Variants in NTM observed in about 807,000 individuals in gnomAD.
NTM encodes the protein IgLON family member 2.
NTM carries 13 observed loss-of-function variants against 42.1 expected under a neutral mutation model. The observed-to-expected ratio is 0.31, with a 90% CI of 0.20 to 0.49. NTM has a LOEUF of 0.49. Ranked by LOEUF, NTM falls within the 20% of genes least tolerant of loss-of-function variation. The pLI is 0.99. For missense variants in NTM, 373 were observed against 452.8 expected (o/e 0.82, Z 1.60); for synonymous variants, 187 against 179.2 (o/e 1.04, Z -0.35).
intron 1 of NTM, among the ~76,000 whole-genome samples, chr11:131,484,713 T>A (rs1591801022): frequency 6.6e-6 from 1 of 152,156 alleles, no homozygotes; most frequent in Non-Finnish European, 1.5e-5. Flanking sequence ...CCTCTTCCAG[T>A]CTGGGTCTGA....
chr11:131,596,822 T>C (rs2059854630), intron 1 of NTM, among the ~76,000 whole-genome samples: 1 of 152,182 alleles, frequency 6.6e-6, no homozygotes, highest in African/African-American at 2.4e-5. Context: ...TATATATACG[T>C]ATATGAGTTT....
intron 1 of NTM, among the ~76,000 whole-genome samples, chr11:131,581,509 G>A (rs1358697261): frequency 1.3e-5 from 2 of 152,052 alleles, no homozygotes; most frequent in African/African-American, 4.8e-5. Context: ...GGCTTTATAG[G>A]CAAAAAAGGG....
intron 1 of NTM, among the ~76,000 whole-genome samples, chr11:131,383,405 CT>C (rs2135536249): frequency 6.6e-6 from 1 of 152,228 alleles, no homozygotes; most frequent in African/African-American, 2.4e-5. Flanking sequence ...ATTTGGGAGA[CT>C]TTTCAGGACA....
At chr11:131,862,482 T>C (rs529701927) in intron 1 of NTM, among the ~76,000 whole-genome samples, 1 of 152,342 alleles carries the variant, frequency 6.6e-6, no homozygotes, top group South Asian at 2.1e-4. Context: ...TATTGCTGTG[T>C]CCTAGACAGT....
At chr11:132,122,045 C>T (rs2064925430) in intron 2 of NTM, among the ~76,000 whole-genome samples, 1 of 152,162 alleles carries the variant, frequency 6.6e-6, no homozygotes, top group African/African-American at 2.4e-5. Flanking sequence ...AGGGGAGCAC[C>T]TAAACTGCCT....
At chr11:131,856,047 T>C (rs1228058204) in intron 1 of NTM, among the ~76,000 whole-genome samples, 1 of 152,202 alleles carries the variant, frequency 6.6e-6, no homozygotes, top group East Asian at 1.9e-4. Context: ...CCTGGACTGA[T>C]TAGACAGTCG....
At chr11:131,601,588 CTT>C (rs1214003197) in intron 1 of NTM, among the ~76,000 whole-genome samples, 11 of 144,240 alleles carry the variant, frequency 7.6e-5, no homozygotes, top group Non-Finnish European at 7.6e-5. Flanking sequence ...CTTCCCTCTC[CTT>C]TTTTTTTTTT....
chr11:132,320,192 A>G (rs1450842793), intron 7 of NTM, among the ~76,000 whole-genome samples: 1 of 152,260 alleles, frequency 6.6e-6, no homozygotes, highest in Non-Finnish European at 1.5e-5. Flanking sequence ...CTGAATAGGA[A>G]CAGCTCTGGT....
intron 1 of NTM, among the ~76,000 whole-genome samples, chr11:131,618,492 G>T (rs899815389): frequency 6.6e-6 from 1 of 152,086 alleles, no homozygotes; most frequent in Non-Finnish European, 1.5e-5. Flanking sequence ...CATGCTATCC[G>T]AATTAAATTA....
At chr11:131,847,820 A>C (rs1034296789) in intron 1 of NTM, among the ~76,000 whole-genome samples, 1 of 152,222 alleles carries the variant, frequency 6.6e-6, no homozygotes, top group Admixed American at 6.5e-5. Context: ...GCATATAAGG[A>C]AGTCCTGCTG....
rs75955049 is a variant in NTM, at chr11:131,674,156, G to A, written c.83-237408G>A. ...GGTGCGGGCGCCCTCGCGTGGCCAT[G>A]AGAAGTAGTGCCACACGCACACGTT... is the stretch of plus-strand genomic sequence containing the variant. On this transcript the variant is annotated intron_variant, in intron 1 of 8. Coordinates refer to ENST00000683400, the MANE Select transcript of NTM (RefSeq NM_001352005.2). Among the ~76,000 whole-genome samples, 976 of 152,372 alleles carry A rather than the reference G, an allele frequency of 6.4e-3. 60 individuals carry two copies. The East Asian group carries it at 0.13, about 20-fold the overall frequency.
At chr11:132,269,087 G>C (rs900290506) in intron 4 of NTM, among the ~76,000 whole-genome samples, 9 of 152,296 alleles carry the variant, frequency 5.9e-5, no homozygotes, top group Non-Finnish European at 1.0e-4. Context: ...TTAATTAAAT[G>C]TAAGAGTGGC....
chr11:131,917,669 G>A (rs1293428180), intron 2 of NTM, among the ~76,000 whole-genome samples: 5 of 152,164 alleles, frequency 3.3e-5, no homozygotes, highest in Admixed American at 6.5e-5. Context: ...CTATTGATCC[G>A]TTGTTTATGA....
rs151322076 is a variant in NTM, at chr11:131,400,106, C to G, written c.82+29218C>G. Among the ~76,000 whole-genome samples, 1,513 of 152,020 alleles carry G rather than the reference C, an allele frequency of 1.0e-2. 24 individuals carry two copies. The highest frequency in any genetic ancestry group is 0.035 in the African/African-American group (1,442 of 41,432). ...GAAAGAGAGATGGATATCTAGCTAC[C>G]CTACCCACCCCCCATCAGCATAAGG... On this transcript the variant is annotated intron_variant, in intron 1 of 8. Coordinates refer to ENST00000683400, the MANE Select transcript of NTM (RefSeq NM_001352005.2).
chr11:132,132,355 C>T (rs537052789), intron 2 of NTM, among the ~76,000 whole-genome samples: 1 of 152,294 alleles, frequency 6.6e-6, no homozygotes, highest in South Asian at 2.1e-4. Context: ...CATTCAATTG[C>T]CTGTGCAGGT....
intron 4 of NTM, among the ~76,000 whole-genome samples, chr11:132,221,954 G>T (rs1444777743): frequency 6.6e-6 from 1 of 152,138 alleles, no homozygotes; most frequent in East Asian, 1.9e-4. Flanking sequence ...CTTGCTCTCT[G>T]GGACATGTCT....
At chr11:131,822,617 G>A (rs1373228313) in intron 1 of NTM, among the ~76,000 whole-genome samples, 1 of 151,984 alleles carries the variant, frequency 6.6e-6, no homozygotes, top group Non-Finnish European at 1.5e-5. Flanking sequence ...TAAGGGGAAG[G>A]AAGGTAGAAA....
chr11:132,220,769 T>C (rs111267166), intron 4 of NTM, among the ~76,000 whole-genome samples: 48 of 152,336 alleles, frequency 3.2e-4, no homozygotes, highest in African/African-American at 1.1e-3. Context: ...CAGAACTGTC[T>C]TGATGGAACA....
At chr11:131,910,729 G>T in intron 1 of NTM, 2 of 603,342 alleles carry the variant, frequency 3.3e-6, no homozygotes, top group Non-Finnish European at 4.2e-6. Flanking sequence ...TACCGAGCTT[G>T]GGGCCGCCGC....
Sources: gnomAD v4.1 joint callset for allele counts (sites outside exome capture counted in the v4.1 genomes callset) on GRCh38, gnomAD v4.1.1 for gene constraint, MANE v1.5 for transcripts, NCBI Gene and HGNC (gene_info 2026-07-23, HGNC 2026-07-21) for gene names.